Variants in DOCK2 observed in about 807,000 individuals in gnomAD.
The protein encoded by DOCK2 is dedicator of cytokinesis 2.
In DOCK2, 87 loss-of-function variants were observed where a neutral mutation model predicts 248.9. That is an observed-to-expected ratio of 0.35 (90% CI 0.29 to 0.42). DOCK2 has a LOEUF of 0.42. Among genes scored for constraint, DOCK2 ranks in the 10% least tolerant of loss-of-function variants. DOCK2 has a pLI of 1.00. For synonymous variants in DOCK2, 805 were observed against 821.6 expected (o/e 0.98, Z 0.35); for missense variants, 1,747 against 2,300.2 (o/e 0.76, Z 4.92).
At chr5:169,991,671 C>A (rs1250851241) in intron 29 of DOCK2, among the ~76,000 whole-genome samples, 1 of 152,228 alleles carries the variant, frequency 6.6e-6, no homozygotes, top group African/African-American at 2.4e-5. Flanking sequence ...ATGATGCGGA[C>A]AAAGTGCGAA....
chr5:169,850,715 G>A (rs548817100), intron 27 of DOCK2, among the ~76,000 whole-genome samples: 102 of 152,240 alleles, frequency 6.7e-4, no homozygotes, highest in African/African-American at 2.4e-3. Context: ...ACATATCAGG[G>A]CATACTAGGC....
chr5:169,759,425 G>T (rs532339358), intron 23 of DOCK2, among the ~76,000 whole-genome samples: 1 of 152,352 alleles, frequency 6.6e-6, no homozygotes, highest in East Asian at 1.9e-4. Context: ...GGCTAATAAG[G>T]TGTGGAAACA....
At chr5:169,834,039 C>T (rs1769407141) in intron 26 of DOCK2, among the ~76,000 whole-genome samples, 1 of 148,814 alleles carries the variant, frequency 6.7e-6, no homozygotes, top group Non-Finnish European at 1.5e-5. Flanking sequence ...CATGCTCAGT[C>T]AGTGCTCTCC....
intron 27 of DOCK2, among the ~76,000 whole-genome samples, chr5:169,966,952 A>C (rs1777323254): frequency 6.6e-6 from 1 of 152,262 alleles, no homozygotes; most frequent in Non-Finnish European, 1.5e-5. Flanking sequence ...CATGCTATGT[A>C]GATAGCTACT....
chr5:170,054,006 A>G (rs1258783806), intron 41 of DOCK2, among the ~76,000 whole-genome samples: 2 of 150,656 alleles, frequency 1.3e-5, no homozygotes, highest in Admixed American at 6.6e-5. Context: ...GGAAAGCCAA[A>G]GGAAGGAAAA....
chr5:169,641,818 T>C (rs1757168101), intron 1 of DOCK2, among the ~76,000 whole-genome samples: 1 of 152,228 alleles, frequency 6.6e-6, no homozygotes, highest in Non-Finnish European at 1.5e-5. Context: ...CACCCATCTC[T>C]GCACAACCTT....
chr5:169,792,617 CCTT>C (rs780633250), intron 25 of DOCK2, among the ~76,000 whole-genome samples: 11 of 152,036 alleles, frequency 7.2e-5, no homozygotes, highest in Non-Finnish European at 1.3e-4. Flanking sequence ...AGCTAGGAAT[CCTT>C]CTTTAAAGAC....
At chr5:169,989,756 C>T (rs192890540) in intron 29 of DOCK2, among the ~76,000 whole-genome samples, 12 of 152,252 alleles carry the variant, frequency 7.9e-5, no homozygotes, top group Non-Finnish European at 1.3e-4. Context: ...TGATACCTAC[C>T]ACAAGGATAT....
chr5:170,035,130 C>A (rs1293765200), intron 35 of DOCK2, among the ~76,000 whole-genome samples: 2 of 152,210 alleles, frequency 1.3e-5, no homozygotes, highest in Admixed American at 1.3e-4. Context: ...AGTTCTTAAC[C>A]CCTATATTCC....
chr5:170,007,075 A>G (rs1483556840), intron 30 of DOCK2, among the ~76,000 whole-genome samples: 2 of 152,214 alleles, frequency 1.3e-5, no homozygotes, highest in African/African-American at 4.8e-5. Context: ...AAAGACTGGA[A>G]CCGCAAACCG....
intron 27 of DOCK2, among the ~76,000 whole-genome samples, chr5:169,946,736 A>G (rs1321982136): frequency 6.6e-6 from 1 of 152,220 alleles, no homozygotes; most frequent in Non-Finnish European, 1.5e-5. Context: ...ATAATTTCAC[A>G]CAGCGATAGG....
At chr5:169,997,835 C>T in intron 30 of DOCK2, 1 of 434,654 alleles carries the variant, frequency 2.3e-6, no homozygotes. Flanking sequence ...TTTCCCCACA[C>T]TTGCTCATCT....
At chr5:169,798,616 C>CA (rs1362018945) in intron 25 of DOCK2, among the ~76,000 whole-genome samples, 1 of 152,172 alleles carries the variant, frequency 6.6e-6, no homozygotes, top group Non-Finnish European at 1.5e-5. Flanking sequence ...AATAGGTTGC[C>CA]ACTCCTAAGA....
chr5:169,836,553 C>T (rs1015938571), intron 26 of DOCK2, among the ~76,000 whole-genome samples: 5 of 152,194 alleles, frequency 3.3e-5, no homozygotes, highest in African/African-American at 7.2e-5. Context: ...TCCAAATGTT[C>T]TATTAAAAAT....
chr5:169,794,563 A>G (rs1425907908), intron 25 of DOCK2, among the ~76,000 whole-genome samples: 2 of 152,194 alleles, frequency 1.3e-5, no homozygotes, highest in African/African-American at 4.8e-5. Context: ...CGACTCTCAG[A>G]GCTTTCAAAT....
At chr5:169,672,884 G>A (rs1241710677) in intron 5 of DOCK2, among the ~76,000 whole-genome samples, 3 of 152,202 alleles carry the variant, frequency 2.0e-5, no homozygotes, top group Non-Finnish European at 4.4e-5. Context: ...TATAAAGAAT[G>A]TAATTCAGGA....
intron 15 of DOCK2, among the ~76,000 whole-genome samples, chr5:169,709,740 C>T (rs746965174): frequency 5.3e-5 from 8 of 151,900 alleles, no homozygotes; most frequent in South Asian, 4.2e-4. Flanking sequence ...AAAATTCATA[C>T]GTTAAATGTA....
intron 27 of DOCK2, among the ~76,000 whole-genome samples, chr5:169,874,155 G>A (rs1772163048): frequency 6.6e-6 from 1 of 152,144 alleles, no homozygotes; most frequent in South Asian, 2.1e-4. Context: ...GCTCATGCCT[G>A]TAATCCCAAC....
chr5:170,004,623 T>A (rs1382338030), intron 30 of DOCK2, among the ~76,000 whole-genome samples: 2 of 150,020 alleles, frequency 1.3e-5, no homozygotes, highest in Admixed American at 6.7e-5. Context: ...CACACGTATG[T>A]TTATTGTGGC....
Sources: gnomAD v4.1 joint callset for allele counts (sites outside exome capture counted in the v4.1 genomes callset) on GRCh38, gnomAD v4.1.1 for gene constraint, MANE v1.5 for transcripts, NCBI Gene and HGNC (gene_info 2026-07-23, HGNC 2026-07-21) for gene names.